The following SORCS3 variants were observed in gnomAD, a reference collection of about 807,000 sequenced individuals.
The protein encoded by SORCS3 is VPS10 domain-containing receptor SorCS3.
A neutral mutation model predicts 146.3 loss-of-function variants in SORCS3; 57 were observed. That is an observed-to-expected ratio of 0.39 (90% CI 0.31 to 0.49). The LOEUF is 0.49. Among genes scored for constraint, SORCS3 ranks in the 20% least tolerant of loss-of-function variants. The probability of loss-of-function intolerance (pLI) is 0.92; values close to 1 mark genes in which losing one functional copy is unlikely to be tolerated. For missense variants in SORCS3, 1,341 were observed against 1,575.5 expected, an observed-to-expected ratio of 0.85 and a Z score of 2.52; for synonymous variants, 653 against 618.5, an observed-to-expected ratio of 1.06 and a Z score of -0.83.
Position 105,153,126 on chromosome 10 carries a change from A to G in SORCS3, c.1483-4012A>G, listed in dbSNP as rs553455303. ...GCCCTTTTGTAGTCCACCCTTCTCTACCCCAAAGTCACCGACAAACACATA... is the reference window on the plus strand; with the variant it reads ...GCCCTTTTGTAGTCCACCCTTCTCTGCCCCAAAGTCACCGACAAACACATA... On this transcript the variant is annotated intron_variant, in intron 9 of 26. Coordinates refer to ENST00000369701, the MANE Select transcript of SORCS3 (RefSeq NM_014978.3). 1.4e-4 allele frequency among the ~76,000 whole-genome samples: 22 copies of G among 152,108 alleles called. No homozygotes were observed. In the South Asian group the frequency reaches 4.0e-3, roughly 27 times the overall value.
At chr10:104,998,051 G>A (rs73334048) in intron 4 of SORCS3, among the ~76,000 whole-genome samples, 11,435 of 152,108 alleles carry the variant, frequency 0.075, 478 homozygotes, top group African/African-American at 0.1. Context: ...GGAACCTACC[G>A]GGTGTTTATT....
chr10:104,970,646 C>T (rs7090254), intron 3 of SORCS3, among the ~76,000 whole-genome samples: 75,521 of 151,954 alleles, frequency 0.5, 22,714 homozygotes, highest in African/African-American at 0.86. Context: ...GAAAAAAAGT[C>T]ATTATACTGC....
rs1589514189 is a variant in SORCS3 at position 104,826,482 on chromosome 10, C to CG, written c.628-16310_628-16309insG. On this transcript the variant is annotated intron_variant, in intron 1 of 26. Coordinates refer to ENST00000369701, the MANE Select transcript of SORCS3 (RefSeq NM_014978.3). Reference sequence around the variant, plus strand: ...ACAAGTTTTTTGGTTGCCCCATGCACATAAATGTTATGATTACATTATACT... The same window carrying CG: ...ACAAGTTTTTTGGTTGCCCCATGCACGATAAATGTTATGATTACATTATACT... 7.9e-5 allele frequency among the ~76,000 whole-genome samples: 12 copies of CG among 152,272 alleles called. No homozygotes were observed. In the East Asian group the frequency reaches 2.3e-3, roughly 29 times the overall value.
intron 1 of SORCS3, among the ~76,000 whole-genome samples, chr10:104,658,300 TGAG>T (rs1435657401): frequency 2.0e-5 from 3 of 152,058 alleles, no homozygotes; most frequent in Non-Finnish European, 4.4e-5. Context: ...GGAGCTGAGA[TGAG>T]GAGAGAAAAA....
intron 7 of SORCS3, among the ~76,000 whole-genome samples, chr10:105,129,329 C>CTT (rs1338478754): frequency 3.2e-5 from 3 of 93,398 alleles, no homozygotes; most frequent in Non-Finnish European, 6.3e-5. Flanking sequence ...TTCTTTCTTT[C>CTT]TCTTTTTTTT....
intron 1 of SORCS3, among the ~76,000 whole-genome samples, chr10:104,746,421 C>T (rs924506500): frequency 2.3e-4 from 35 of 152,220 alleles, no homozygotes; most frequent in Non-Finnish European, 4.6e-4. Flanking sequence ...CAGGCGTGAG[C>T]CACCGCACCA....
chr10:104,944,059 C>A (rs1487655394), intron 3 of SORCS3, among the ~76,000 whole-genome samples: 1 of 152,148 alleles, frequency 6.6e-6, no homozygotes, highest in East Asian at 1.9e-4. Flanking sequence ...CATGCCACCA[C>A]ACCCAGCTAT....
intron 13 of SORCS3, among the ~76,000 whole-genome samples, chr10:105,171,717 C>T (rs1391153161): frequency 6.6e-6 from 1 of 152,166 alleles, no homozygotes; most frequent in Non-Finnish European, 1.5e-5. Context: ...TGGAGCAATA[C>T]ACCTTACCAG....
intron 4 of SORCS3, among the ~76,000 whole-genome samples, chr10:104,982,189 A>G (rs2133654923): frequency 6.6e-6 from 1 of 152,296 alleles, no homozygotes; most frequent in African/African-American, 2.4e-5. Flanking sequence ...AGGACCCAGT[A>G]CAGAGGAGGT....
At chr10:105,081,325 C>T (rs2055623945) in intron 5 of SORCS3, among the ~76,000 whole-genome samples, 1 of 152,026 alleles carries the variant, frequency 6.6e-6, no homozygotes, top group Admixed American at 6.6e-5. Context: ...GTCCTGCCAC[C>T]CCCTTCCAAG....
chr10:104,965,390 A>G (rs775974582), intron 3 of SORCS3, among the ~76,000 whole-genome samples: 2 of 152,294 alleles, frequency 1.3e-5, no homozygotes, highest in Middle Eastern at 3.4e-3. Context: ...TTGACCATCA[A>G]TTGCAATTGA....
At position 105,147,647 on chromosome 10, in the gene SORCS3, C is replaced by T. The variant is rs1380312042; in HGVS notation, c.1333C>T (p.Gln445Ter). Reference sequence around the variant, plus strand: ...GCACATCATCAGTACAGACGAGAACCAAGTATTTGCTGCGGTCCAAGAATG... The same window carrying T: ...GCACATCATCAGTACAGACGAGAACTAAGTATTTGCTGCGGTCCAAGAATG... ...DMHIISTDEN[Q>*]VFAAVQEWNQ... Residue 445 changes from glutamine to a stop codon, truncating the protein, a stop_gained, in exon 9 of 27, where the codon CAA (glutamine) becomes TAA (stop). Coordinates refer to ENST00000369701, the MANE Select transcript of SORCS3 (RefSeq NM_014978.3). LOFTEE classifies it high-confidence loss of function. The T allele has an allele frequency of 9.9e-6, 16 of 1,612,644 alleles. No individual in the cohort carries two copies. In the Admixed American group the frequency reaches 2.7e-4, roughly 27 times the overall value.
chr10:105,022,193 CT>C (rs1237820149), intron 4 of SORCS3, among the ~76,000 whole-genome samples: 2 of 152,046 alleles, frequency 1.3e-5, no homozygotes, highest in African/African-American at 4.8e-5. Flanking sequence ...AAACTATAGA[CT>C]TTTAGTTAGT....
chr10:104,875,312 T>C (rs1023666310), intron 2 of SORCS3, among the ~76,000 whole-genome samples: 1 of 152,218 alleles, frequency 6.6e-6, no homozygotes, highest in African/African-American at 2.4e-5. Context: ...ATTTGCAGTT[T>C]GGTTTTACAG....
At chr10:105,045,761 A>G (rs2055367966) in intron 5 of SORCS3, among the ~76,000 whole-genome samples, 1 of 152,114 alleles carries the variant, frequency 6.6e-6, no homozygotes, top group Non-Finnish European at 1.5e-5. Flanking sequence ...TGTCAATTTC[A>G]TAAGGTTATT....
chr10:104,726,488 A>T (rs751422357), intron 1 of SORCS3, among the ~76,000 whole-genome samples: 2 of 152,138 alleles, frequency 1.3e-5, no homozygotes, highest in Non-Finnish European at 2.9e-5. Flanking sequence ...AGAGTGGGGA[A>T]GTCTGACCTA....
intron 20 of SORCS3, among the ~76,000 whole-genome samples, chr10:105,231,810 A>G (rs1240834681): frequency 6.6e-6 from 1 of 152,142 alleles, no homozygotes; most frequent in African/African-American, 2.4e-5. Flanking sequence ...GATGGATTAC[A>G]TTAATTGATT....
chr10:105,247,172 C>G lies in SORCS3; in HGVS notation c.2993-47C>G, dbSNP rs755946797. The G allele has an allele frequency of 4.5e-6, 5 of 1,109,474 alleles. No individual in the cohort carries two copies. The South Asian group carries it at 6.9e-5, about 15-fold the overall frequency. 68.7% of individuals were successfully genotyped at this position (1,109,474 alleles called of 1,614,324 possible). ...GAGCTCCACACCTGTCACACCCTCTCTCTTCTCACTCTCCCAGCCTCACTT... is the reference window on the plus strand; with the variant it reads ...GAGCTCCACACCTGTCACACCCTCTGTCTTCTCACTCTCCCAGCCTCACTT... On this transcript the variant is annotated intron_variant, in intron 21 of 26. Coordinates refer to ENST00000369701, the MANE Select transcript of SORCS3 (RefSeq NM_014978.3).
At chr10:104,733,263 G>A (rs1033214616) in intron 1 of SORCS3, among the ~76,000 whole-genome samples, 1 of 152,154 alleles carries the variant, frequency 6.6e-6, no homozygotes, top group Non-Finnish European at 1.5e-5. Context: ...AGGCCACCAA[G>A]CTAGTTCTCA....
Sources: allele counts gnomAD v4.1 joint callset (sites outside exome capture counted in the v4.1 genomes callset), GRCh38; gene constraint gnomAD v4.1.1; transcripts MANE v1.5; gene names NCBI Gene and HGNC (gene_info 2026-07-23, HGNC 2026-07-21).